ACCSL: variants seen among roughly 807,000 people sequenced by gnomAD.
ACCSL encodes probable inactive 1-aminocyclopropane-1-carboxylate synthase-like protein 2.
ACCSL carries 55 observed loss-of-function variants against 61.7 expected under a neutral mutation model. The observed-to-expected ratio is 0.89, with a 90% CI of 0.72 to 1.12. The LOEUF is 1.12. Among genes scored for constraint, ACCSL ranks in the 50% most tolerant of loss-of-function variants. The pLI, the probability that ACCSL is intolerant of heterozygous loss-of-function variation, is 0.00. For synonymous variants in ACCSL, 258 were observed against 264.3 expected, an observed-to-expected ratio of 0.98 and a Z score of 0.23; for missense variants, 632 against 698.0, an observed-to-expected ratio of 0.91 and a Z score of 1.07.
the ACCSL span, chr11:43,943,859 A>G: frequency 1.6e-6 from 2 of 1,274,544 alleles, no homozygotes. The surrounding 1 kb of genome is among the most constrained non-coding windows in gnomAD (Gnocchi z 4.8). Context: ...GGAGACAAAT[A>G]AAGTCAATAT....
chr11:44,059,234 T>C (rs1312860745), intron 13 of ACCSL, among the ~76,000 whole-genome samples: 1 of 152,154 alleles, frequency 6.6e-6, no homozygotes, highest in Non-Finnish European at 1.5e-5. Context: ...AGAGTGAGAC[T>C]GTTTCAAGAA....
the ACCSL span, among the ~76,000 whole-genome samples, chr11:43,938,665 T>A: frequency 6.6e-6 from 1 of 151,692 alleles, no homozygotes; most frequent in African/African-American, 2.4e-5. Flanking sequence ...TAGCAGGGTG[T>A]GGTGGTGCAC....
chr11:44,016,336 A>T, the ACCSL span, among the ~76,000 whole-genome samples: 2 of 151,968 alleles, frequency 1.3e-5, no homozygotes, highest in Non-Finnish European at 2.9e-5. Context: ...CAGGCCTGGG[A>T]GGTGGTTGGA....
chr11:43,923,322 G>T, the ACCSL span, among the ~76,000 whole-genome samples: 2 of 152,126 alleles, frequency 1.3e-5, no homozygotes, highest in South Asian at 4.1e-4. Flanking sequence ...GACCCACTTT[G>T]CCTTTTCTGG....
Position 44,048,559 on chromosome 11 carries a change from G to C in ACCSL, c.504+19G>C. ...CACCTTGGTGAGAATTTGGGGTGGG[G>C]GGTGGGCAGCATCCTCACGGGCTCC... On this transcript the variant is annotated intron_variant, in intron 1 of 13. Coordinates refer to ENST00000378832, the MANE Select transcript of ACCSL (RefSeq NM_001031854.2). The C allele has an allele frequency of 4.6e-6, 1 of 217,254 alleles. No individual in the cohort carries two copies. The allele number at this position is 217,254 out of a possible 1,614,324, so 13.5% of individuals were successfully genotyped here. A position where few individuals can be genotyped will look rare whatever the true frequency, so the allele number is the denominator to read the frequency against.
chr11:43,950,744 C>G, the ACCSL span, among the ~76,000 whole-genome samples: 1 of 152,220 alleles, frequency 6.6e-6, no homozygotes. Flanking sequence ...ATCCCAGATC[C>G]CTGAATGACC....
At chr11:43,974,017 A>G in the ACCSL span, 1 of 152,250 alleles carries the variant, frequency 6.6e-6, no homozygotes, top group Non-Finnish European at 1.5e-5. Flanking sequence ...GAGCAAAGGC[A>G]GAGATCCTTG....
chr11:44,041,600 T>C, the ACCSL span, among the ~76,000 whole-genome samples: 1 of 152,232 alleles, frequency 6.6e-6, no homozygotes, highest in Non-Finnish European at 1.5e-5. Context: ...TACAACTATG[T>C]TAAACTCTTG....
chr11:43,957,322 G>A, the ACCSL span, among the ~76,000 whole-genome samples: 1 of 152,004 alleles, frequency 6.6e-6, no homozygotes, highest in Non-Finnish European at 1.5e-5. Flanking sequence ...TGGGAGGAGG[G>A]GGGTTCCAGG....
chr11:43,966,657 A>G, the ACCSL span, among the ~76,000 whole-genome samples: 1 of 152,212 alleles, frequency 6.6e-6, no homozygotes. Context: ...AAGAAGATAT[A>G]TAAATGGCTT....
the ACCSL span, chr11:43,942,902 G>T: frequency 7.2e-6 from 10 of 1,383,656 alleles, no homozygotes; most frequent in Non-Finnish European, 9.4e-6. Context: ...CGCCGGAGGC[G>T]CCATGGCCGC....
At chr11:43,981,202 G>A in the ACCSL span, among the ~76,000 whole-genome samples, 4 of 152,218 alleles carry the variant, frequency 2.6e-5, no homozygotes, top group Admixed American at 6.5e-5. Flanking sequence ...GGGAGCTTGG[G>A]TAGCTCATGC....
the ACCSL span, among the ~76,000 whole-genome samples, chr11:43,921,661 T>C: frequency 6.6e-6 from 1 of 152,182 alleles, no homozygotes; most frequent in Non-Finnish European, 1.5e-5. Context: ...AGCGTCCCTC[T>C]TTCTTAATGG....
chr11:44,028,609 G>A, the ACCSL span, among the ~76,000 whole-genome samples: 3 of 152,164 alleles, frequency 2.0e-5, no homozygotes, highest in Non-Finnish European at 4.4e-5. Context: ...CCTTCATTGA[G>A]CAGAGTGTGT....
the ACCSL span, chr11:43,943,893 G>A: frequency 8.2e-7 from 1 of 1,213,310 alleles, no homozygotes; most frequent in Admixed American, 3.3e-5. The surrounding 1 kb of genome is among the most constrained non-coding windows in gnomAD (Gnocchi z 4.8). Flanking sequence ...AGTTTTCCAG[G>A]CTCTTGACTT....
chr11:43,969,967 A>C, the ACCSL span, among the ~76,000 whole-genome samples: 278 of 151,482 alleles, frequency 1.8e-3, 2 homozygotes, highest in African/African-American at 6.3e-3. Flanking sequence ...GTATAGGGGG[A>C]GGGTTGGAGT....
the ACCSL span, among the ~76,000 whole-genome samples, chr11:44,032,503 G>A: frequency 6.6e-6 from 1 of 152,210 alleles, no homozygotes; most frequent in African/African-American, 2.4e-5. Context: ...AAATAACATT[G>A]CCAAGTGCTC....
the ACCSL span, among the ~76,000 whole-genome samples, chr11:43,967,928 T>C: frequency 2.6e-5 from 4 of 152,200 alleles, no homozygotes; most frequent in African/African-American, 9.6e-5. Flanking sequence ...AAAAGGCTTC[T>C]CCATCTCTAC....
At chr11:43,967,283 T>G in the ACCSL span, among the ~76,000 whole-genome samples, 1 of 149,074 alleles carries the variant, frequency 6.7e-6, no homozygotes, top group Middle Eastern at 3.5e-3. Flanking sequence ...GTTCAAGTGA[T>G]TCTCCTGCCT....
Sources: gnomAD v4.1 joint callset for allele counts (sites outside exome capture counted in the v4.1 genomes callset) on GRCh38, gnomAD v4.1.1 for gene constraint, Gnocchi (gnomAD v3.1) non-coding constraint, MANE v1.5 for transcripts, NCBI Gene and HGNC (gene_info 2026-07-23, HGNC 2026-07-21) for gene names.